The following POR variants were observed in gnomAD, a reference collection of about 807,000 sequenced individuals.
The protein encoded by POR is NADPH--cytochrome P450 reductase.
Under a neutral mutation model 84.0 loss-of-function variants are expected in POR, and 56 were observed. The observed-to-expected ratio is 0.67, with a 90% CI of 0.54 to 0.83. POR has a LOEUF of 0.83. POR is among the 40% of genes least tolerant of loss of function. The pLI is 0.00. For missense variants in POR, 938 were observed against 944.3 expected, an observed-to-expected ratio of 0.99 and a Z score of 0.09; for synonymous variants, 414 against 400.5, an observed-to-expected ratio of 1.03 and a Z score of -0.40.
At chr7:75,980,546 C>T (rs1788957662) in intron 5 of POR, 58 bp downstream of exon 5, 7 of 1,612,484 alleles carry the variant, frequency 4.3e-6, no homozygotes, top group Non-Finnish European at 5.1e-6. Flanking sequence ...TCCCTGGGGA[C>T]TCCAGATCCA....
chr7:75,917,760 G>A (rs1253210601), intron 1 of POR, among the ~76,000 whole-genome samples: 1 of 152,028 alleles, frequency 6.6e-6, no homozygotes, highest in Non-Finnish European at 1.5e-5. Context: ...CTTGAATTCT[G>A]CCTCAGCCTC....
At chr7:75,933,168 A>C (rs1807499410) in intron 1 of POR, among the ~76,000 whole-genome samples, 1 of 152,126 alleles carries the variant, frequency 6.6e-6, no homozygotes, top group African/African-American at 2.4e-5. Context: ...CATGCTTTTA[A>C]ATTTTTTAAT....
At position 75,980,991 on chromosome 7, in the gene POR, C is replaced by A. The variant is rs958777061; in HGVS notation, c.517-57C>A. On this transcript the variant is annotated intron_variant, in intron 5 of 15. Transcript: ENST00000461988. ...GGGCCTCCCGCCCTGCCCCCATGGCCCCTCCCACTGGTCAGGTCGAGGGCC... is the reference window on the plus strand; with the variant it reads ...GGGCCTCCCGCCCTGCCCCCATGGCACCTCCCACTGGTCAGGTCGAGGGCC... 2.7e-6 allele frequency: 4 copies of A among 1,498,396 alleles called. No homozygotes were observed. In the Admixed American group the frequency reaches 8.9e-5, roughly 33 times the overall value. The allele number at this position is 1,498,396 out of a possible 1,614,324, so 92.8% of individuals were successfully genotyped here.
chr7:75,982,003 G>T, intron 7 of POR: 1 of 583,088 alleles, frequency 1.7e-6, no homozygotes, highest in Non-Finnish European at 3.1e-6. Context: ...CCCTGCCCCG[G>T]CTTCTGGGCG....
chr7:75,941,526 T>A (rs1029367935), intron 1 of POR, among the ~76,000 whole-genome samples: 1 of 152,196 alleles, frequency 6.6e-6, no homozygotes, highest in South Asian at 2.1e-4. Context: ...AGAGCTCCGG[T>A]AACTAGGTGC....
Position 75,985,204 on chromosome 7 carries a change from C to T in POR, c.1395C>T (p.Ser465=), listed in dbSNP as rs782472020. The change falls in exon 12 of 16, where the codon TCC becomes TCT. Residue 465 remains serine, a synonymous_variant. Coordinates refer to ENST00000461988, the MANE Select transcript of POR (RefSeq NM_000941.3). Reference sequence around the variant, plus strand: ...GCTACTACTCCATCGCCTCATCCTCCAAGGTGAGGGCCGGCACTGCCCTGC... The same window carrying T: ...GCTACTACTCCATCGCCTCATCCTCTAAGGTGAGGGCCGGCACTGCCCTGC... 18 of 1,589,874 alleles carry T rather than the reference C, an allele frequency of 1.1e-5. 1 individual carries two copies. The Admixed American group carries it at 2.0e-4, about 18-fold the overall frequency.
At chr7:75,931,589 G>A (rs546951893) in intron 1 of POR, among the ~76,000 whole-genome samples, 2 of 151,724 alleles carry the variant, frequency 1.3e-5, no homozygotes, top group African/African-American at 4.8e-5. Context: ...GGTTGGTCTC[G>A]AACTCCTGTC....
At chr7:75,924,118 G>T (rs1807003993) in intron 1 of POR, among the ~76,000 whole-genome samples, 1 of 152,058 alleles carries the variant, frequency 6.6e-6, no homozygotes, top group African/African-American at 2.4e-5. Flanking sequence ...TAAGAGTCCT[G>T]CAGCAGTCGA....
intron 1 of POR, among the ~76,000 whole-genome samples, chr7:75,953,273 A>C (rs1242234792): frequency 9.3e-5 from 12 of 129,136 alleles, no homozygotes; most frequent in East Asian, 5.4e-4. Context: ...GCAGCAGTAC[A>C]GTCCAGCTTC....
intron 1 of POR, among the ~76,000 whole-genome samples, chr7:75,944,948 G>A (rs1438233203): frequency 6.6e-6 from 1 of 152,074 alleles, no homozygotes; most frequent in East Asian, 1.9e-4. Context: ...TGTCACCCAA[G>A]TCCCAGGAGA....
chr7:75,937,946 G>A (rs1284017495), intron 1 of POR, among the ~76,000 whole-genome samples: 3 of 152,174 alleles, frequency 2.0e-5, no homozygotes, highest in East Asian at 1.9e-4. Flanking sequence ...CTGTGGTCTC[G>A]TCCCCTTGGC....
chr7:75,980,019 T>G (rs1330392039), intron 4 of POR, among the ~76,000 whole-genome samples: 7 of 152,192 alleles, frequency 4.6e-5, no homozygotes, highest in Admixed American at 4.6e-4. Context: ...AGCTTTGGAA[T>G]GAGGTTCCCA....
chr7:75,935,619 TTGTGTGTGTGTGTGTGTGTG>T (rs57899780), intron 1 of POR, among the ~76,000 whole-genome samples: 35 of 131,384 alleles, frequency 2.7e-4, no homozygotes, highest in Admixed American at 1.7e-3. Flanking sequence ...TGCTCGGGGC[TTGTGTGTGTGTGTGTGTGTG>T]TGTGTGTGTG....
In POR at chr7:75,983,627, C is replaced by A. The variant is rs1484408319; in HGVS notation, c.938C>A (p.Ser313Tyr). ...CACCTGGAATTGGACATCTCGGACTCCAAAATCAGGTACCAGCTGCCACTG... is the reference window on the plus strand; with the variant it reads ...CACCTGGAATTGGACATCTCGGACTACAAAATCAGGTACCAGCTGCCACTG... Residue 313 changes from serine to tyrosine, a missense_variant, in exon 9 of 16, where the codon TCC becomes TAC. By Grantham distance (144) the Ser-to-Tyr change is moderately radical. Transcript: ENST00000461988. 1.2e-6 allele frequency: 2 copies of A among 1,612,756 alleles called. No homozygotes were observed. The highest frequency in any genetic ancestry group is 1.7e-6 in the Non-Finnish European group (2 of 1,179,632).
chr7:75,935,665 GTGTGTT>G (rs1377161657), intron 1 of POR, among the ~76,000 whole-genome samples: 1 of 140,782 alleles, frequency 7.1e-6, no homozygotes, highest in Non-Finnish European at 1.5e-5. Flanking sequence ...GTGTGTGTGT[GTGTGTT>G]TCAAAGACAG....
intron 1 of POR, among the ~76,000 whole-genome samples, chr7:75,916,644 A>G (rs782571180): frequency 2.0e-5 from 3 of 152,182 alleles, no homozygotes; most frequent in African/African-American, 4.8e-5. Flanking sequence ...AGAGAATGGG[A>G]TGCTAGCTGC....
At chr7:75,950,988 G>T (rs1036349738) in intron 1 of POR, among the ~76,000 whole-genome samples, 2 of 150,882 alleles carry the variant, frequency 1.3e-5, no homozygotes, top group East Asian at 3.9e-4. Context: ...GAATCCGGGA[G>T]GCAGAGGTTG....
At chr7:75,931,137 T>TA (rs1807397171) in intron 1 of POR, among the ~76,000 whole-genome samples, 1 of 152,106 alleles carries the variant, frequency 6.6e-6, no homozygotes, top group African/African-American at 2.4e-5. Flanking sequence ...ACAATATTTA[T>TA]AACAGCCCCC....
intron 12 of POR, 63 bp downstream of exon 12, chr7:75,985,270 G>C: frequency 6.7e-7 from 1 of 1,501,236 alleles, no homozygotes; most frequent in Non-Finnish European, 8.9e-7. Context: ...ACAGCAGGCA[G>C]AGTGCAAGGC....
Sources: gnomAD v4.1 joint callset for allele counts (sites outside exome capture counted in the v4.1 genomes callset) on GRCh38, gnomAD v4.1.1 for gene constraint, MANE v1.5 for transcripts, NCBI Gene and HGNC (gene_info 2026-07-23, HGNC 2026-07-21) for gene names.